The following DNM3 variants were observed in gnomAD, a reference collection of about 807,000 sequenced individuals.
DNM3 encodes dynamin 3.
DNM3 carries 47 observed loss-of-function variants against 101.6 expected under a neutral mutation model. That is an observed-to-expected ratio of 0.46 (90% confidence interval 0.37 to 0.59). The LOEUF is 0.59. DNM3 is among the 20% of genes least tolerant of loss of function. The probability of loss-of-function intolerance (pLI) is 0.00; values close to 1 mark genes in which losing one functional copy is unlikely to be tolerated. For synonymous variants in DNM3, 385 were observed against 387.9 expected, an observed-to-expected ratio of 0.99 and a Z score of 0.09; for missense variants, 849 against 1,085.7, an observed-to-expected ratio of 0.78 and a Z score of 3.06.
intron 2 of DNM3, among the ~76,000 whole-genome samples, chr1:171,951,434 A>G (rs1039284859): frequency 2.0e-5 from 3 of 152,194 alleles, no homozygotes; most frequent in African/African-American, 7.2e-5. Flanking sequence ...TTCGTTTGTC[A>G]TCTACTTGAT....
intron 1 of DNM3, among the ~76,000 whole-genome samples, chr1:171,879,722 A>G (rs906367045): frequency 1.3e-5 from 2 of 152,200 alleles, no homozygotes; most frequent in African/African-American, 4.8e-5. Flanking sequence ...CTGCATGTCA[A>G]CTGCTGGTTT....
At chr1:172,006,128 A>G (rs2046671094) in intron 4 of DNM3, among the ~76,000 whole-genome samples, 1 of 152,074 alleles carries the variant, frequency 6.6e-6, no homozygotes, top group African/African-American at 2.4e-5. Flanking sequence ...AGACTGGGAA[A>G]TACCTCACAG....
chr1:171,946,230 T>C (rs1377696770), intron 2 of DNM3, among the ~76,000 whole-genome samples: 1 of 152,110 alleles, frequency 6.6e-6, no homozygotes, highest in Admixed American at 6.6e-5. Context: ...GGCCTGCAAA[T>C]GAAACTGACA....
chr1:171,938,911 G>C (rs1174396493), intron 2 of DNM3, among the ~76,000 whole-genome samples: 1 of 152,068 alleles, frequency 6.6e-6, no homozygotes, highest in Non-Finnish European at 1.5e-5. Flanking sequence ...TCAGGTCACT[G>C]TTCTTTTAAT....
chr1:172,007,942 C>T (rs1194058903), intron 4 of DNM3, among the ~76,000 whole-genome samples: 1 of 151,944 alleles, frequency 6.6e-6, no homozygotes, highest in Non-Finnish European at 1.5e-5. Flanking sequence ...ATTTGCATTT[C>T]CCTGATAATT....
At chr1:171,999,430 C>G (rs1033664802) in intron 4 of DNM3, among the ~76,000 whole-genome samples, 7 of 152,066 alleles carry the variant, frequency 4.6e-5, no homozygotes, top group African/African-American at 1.7e-4. Flanking sequence ...AGATCAAGAG[C>G]TCTATTTTGG....
intron 15 of DNM3, among the ~76,000 whole-genome samples, chr1:172,268,526 G>A (rs1264700853): frequency 2.0e-5 from 3 of 152,106 alleles, no homozygotes; most frequent in African/African-American, 4.8e-5. Context: ...CACCAGAGAG[G>A]AGGGGGAAAA....
At position 171,941,390 on chromosome 1, in the gene DNM3, A is replaced by G. The variant is rs12059900; in HGVS notation, c.235+19569A>G. On this transcript the variant is annotated intron_variant, in intron 2 of 20. Coordinates refer to ENST00000627582, the MANE Select transcript of DNM3 (RefSeq NM_015569.5). ...AATCCTTAAATACTTCCTGGATACT[A>G]TAATAGCAGAGTTACCCACAGGAGT... Among the ~76,000 whole-genome samples the G allele has an allele frequency of 6.5e-3, 987 of 152,298 alleles. 16 individuals are homozygous for G. The highest frequency in any genetic ancestry group is 0.022 in the African/African-American group (895 of 41,544).
At chr1:171,972,804 G>A (rs1443685986) in intron 2 of DNM3, among the ~76,000 whole-genome samples, 6 of 152,040 alleles carry the variant, frequency 3.9e-5, no homozygotes, top group African/African-American at 9.7e-5. Context: ...GGCTGAGATC[G>A]CACCATTGCA....
rs73043075 is a variant in DNM3 at position 172,210,682 on chromosome 1, T to C, written c.1660-42891T>C. Among the ~76,000 whole-genome samples the C allele has an allele frequency of 8.9e-3, 1,362 of 152,274 alleles. 16 individuals are homozygous for C. The highest frequency in any genetic ancestry group is 0.03 in the African/African-American group (1,266 of 41,580). On this transcript the variant is annotated intron_variant, in intron 14 of 20. Transcript: ENST00000627582. Reference sequence around the variant, plus strand: ...AAGAAAACCTTTTCTTTCATTTTTTTATTTGTAAGATGAATTCAATTTATA... The same window carrying C: ...AAGAAAACCTTTTCTTTCATTTTTTCATTTGTAAGATGAATTCAATTTATA...
chr1:172,066,894 T>C (rs2051714415), intron 10 of DNM3, among the ~76,000 whole-genome samples: 1 of 152,096 alleles, frequency 6.6e-6, no homozygotes, highest in Non-Finnish European at 1.5e-5. Context: ...GTCCTTATCA[T>C]TGTAGTTCAG....
chr1:171,852,574 G>C (rs985938892), intron 1 of DNM3, among the ~76,000 whole-genome samples: 1 of 152,224 alleles, frequency 6.6e-6, no homozygotes, highest in Non-Finnish European at 1.5e-5. Flanking sequence ...ATTTGTCAGA[G>C]AATAGTTGGT....
chr1:171,901,301 A>T (rs1038052769), intron 1 of DNM3, among the ~76,000 whole-genome samples: 1 of 151,992 alleles, frequency 6.6e-6, no homozygotes, highest in Non-Finnish European at 1.5e-5. Context: ...TTTCCATATA[A>T]TCCCGAAAGA....
intron 16 of DNM3, among the ~76,000 whole-genome samples, chr1:172,317,325 AG>A (rs2065431466): frequency 6.6e-6 from 1 of 151,850 alleles, no homozygotes; most frequent in Non-Finnish European, 1.5e-5. Context: ...CACAATTAAA[AG>A]AACTAGAAAA....
At chr1:172,102,015 C>T (rs1433065857) in intron 13 of DNM3, among the ~76,000 whole-genome samples, 2 of 152,020 alleles carry the variant, frequency 1.3e-5, no homozygotes, top group Non-Finnish European at 2.9e-5. Flanking sequence ...TGTGCCACCA[C>T]GCCTGGCTAA....
intron 13 of DNM3, among the ~76,000 whole-genome samples, chr1:172,122,313 G>A (rs188890116): frequency 1.3e-5 from 2 of 151,968 alleles, no homozygotes; most frequent in African/African-American, 4.8e-5. Context: ...ATACTAATAG[G>A]TACTAATCTA....
intron 13 of DNM3, among the ~76,000 whole-genome samples, chr1:172,106,493 G>A (rs901347805): frequency 6.6e-6 from 1 of 152,034 alleles, no homozygotes; most frequent in Admixed American, 6.5e-5. Flanking sequence ...ATGGGTACTA[G>A]GTTTAGTACC....
At chr1:172,162,508 A>G (rs1358209234) in intron 14 of DNM3, among the ~76,000 whole-genome samples, 1 of 152,052 alleles carries the variant, frequency 6.6e-6, no homozygotes. Context: ...AATAGAAAGA[A>G]AGAGAGATGG....
intron 8 of DNM3, among the ~76,000 whole-genome samples, chr1:172,043,249 T>C (rs1181568587): frequency 6.6e-6 from 1 of 152,092 alleles, no homozygotes; most frequent in African/African-American, 2.4e-5. Context: ...GTTTTGGCTT[T>C]CACAGCTGAG....
Sources: gnomAD v4.1 joint callset for allele counts (sites outside exome capture counted in the v4.1 genomes callset) on GRCh38, gnomAD v4.1.1 for gene constraint, MANE v1.5 for transcripts, NCBI Gene and HGNC (gene_info 2026-07-23, HGNC 2026-07-21) for gene names.